The following PECR variants were observed in gnomAD, a reference collection of about 807,000 sequenced individuals.
The protein encoded by PECR is peroxisomal trans-2-enoyl-CoA reductase.
Under a neutral mutation model 35.3 loss-of-function variants are expected in PECR, and 30 were observed. The observed-to-expected ratio is 0.85, with a 90% CI of 0.64 to 1.15. The LOEUF is 1.15. PECR is among the 50% of genes most tolerant of loss of function. The pLI, the probability that PECR is intolerant of heterozygous loss-of-function variation, is 0.00. For synonymous variants in PECR, 148 were observed against 138.9 expected (o/e 1.07, Z -0.46); for missense variants, 392 against 370.8 (o/e 1.06, Z -0.47).
chr2:216,073,394 ATTACT>A (rs1047215772), intron 1 of PECR, among the ~76,000 whole-genome samples: 29 of 152,186 alleles, frequency 1.9e-4, no homozygotes, highest in African/African-American at 6.8e-4. Context: ...CATAGCTGCA[ATTACT>A]TTATTTTTTT....
At chr2:216,059,772 T>TA (rs1438843145) in intron 3 of PECR, among the ~76,000 whole-genome samples, 1 of 152,248 alleles carries the variant, frequency 6.6e-6, no homozygotes, top group Non-Finnish European at 1.5e-5. Flanking sequence ...TGTTGATCTA[T>TA]ATATCTAGCC....
At chr2:216,053,002 C>T (rs758279573) in intron 4 of PECR, among the ~76,000 whole-genome samples, 20 of 151,430 alleles carry the variant, frequency 1.3e-4, no homozygotes, top group Non-Finnish European at 2.4e-4. Flanking sequence ...TATAGGAGTG[C>T]GCCATCACGC....
At position 216,062,679 on chromosome 2, in the gene PECR, GA is replaced by G. The variant is rs201268983; in HGVS notation, c.424+2632del. On this transcript the variant is annotated intron_variant, in intron 3 of 7. Coordinates refer to ENST00000265322, the MANE Select transcript of PECR (RefSeq NM_018441.6). ...AGTAGAAAGGGCAGAGAAGCACAAA[GA>G]AAAAAATAAAAATAATATGTAATTT... Among the ~76,000 whole-genome samples the G allele has an allele frequency of 2.0e-5, 3 of 151,984 alleles. 1 individual carries two copies. In the East Asian group the frequency reaches 5.8e-4, roughly 29 times the overall value.
chr2:216,040,266 T>A (rs1257224114), intron 7 of PECR, among the ~76,000 whole-genome samples: 1 of 152,226 alleles, frequency 6.6e-6, no homozygotes, highest in African/African-American at 2.4e-5. Context: ...TTTATTTTTT[T>A]AATTTTTATT....
At chr2:216,068,732 G>A (rs914736803) in intron 1 of PECR, among the ~76,000 whole-genome samples, 4 of 151,282 alleles carry the variant, frequency 2.6e-5, no homozygotes, top group East Asian at 3.9e-4. Flanking sequence ...TGACCTTCCA[G>A]GATCCACTGA....
At chr2:216,058,275 G>T (rs1477473415) in intron 4 of PECR, among the ~76,000 whole-genome samples, 1 of 152,162 alleles carries the variant, frequency 6.6e-6, no homozygotes, top group African/African-American at 2.4e-5. Context: ...CACTGCCCTA[G>T]ATTTTTACTT....
chr2:216,066,459 G>T lies in PECR; in HGVS notation c.184C>A (p.Leu62Met), dbSNP rs780524477. Residue 62 changes from leucine (L) to methionine (M), a missense_variant, in exon 2 of 8, where the codon CTG (leucine) becomes ATG (methionine). Physicochemically the swap from Leu to Met is conservative, Grantham distance 15. Coordinates refer to ENST00000265322, the MANE Select transcript of PECR (RefSeq NM_018441.6). Reference protein sequence around the residue: ...LERLKSAADELQANLPPTKQA... With the variant: ...LERLKSAADEMQANLPPTKQA... ...TTTGTGGGAGGTAGGTTGGCCTGCA[G>T]TTCATCTGCCGCAGACTTCAATCTC... 6.2e-7 allele frequency: 1 copy of T among 1,613,618 alleles called. No homozygotes were observed. The highest frequency in any genetic ancestry group is 1.1e-5 in the South Asian group (1 of 91,080).
At chr2:216,053,059 G>A (rs530616158) in intron 4 of PECR, among the ~76,000 whole-genome samples, 19 of 152,086 alleles carry the variant, frequency 1.2e-4, no homozygotes, top group African/African-American at 4.6e-4. Flanking sequence ...TCAGCATGTT[G>A]GCCAGGCTGG....
intron 4 of PECR, among the ~76,000 whole-genome samples, chr2:216,054,371 CTTTTT>C (rs34214360): frequency 3.9e-5 from 4 of 102,760 alleles, no homozygotes; most frequent in African/African-American, 3.5e-5. Context: ...TTTTTTCTTT[CTTTTT>C]TTTTTTTTTT....
At chr2:216,049,407 G>T (rs1455358053) in intron 5 of PECR, 34 bp from the exon 6 acceptor site, 1 of 891,896 alleles carries the variant, frequency 1.1e-6, no homozygotes, top group Non-Finnish European at 1.9e-6. Flanking sequence ...ACAAAATAAA[G>T]TGTATTATAT....
intron 3 of PECR, among the ~76,000 whole-genome samples, chr2:216,062,157 T>C (rs547146632): frequency 1.3e-5 from 2 of 151,844 alleles, no homozygotes; most frequent in East Asian, 3.9e-4. Context: ...GCAATTCTCC[T>C]GCCTCAGCCT....
chr2:216,048,231 C>T (rs952083948), intron 6 of PECR, among the ~76,000 whole-genome samples: 1 of 151,894 alleles, frequency 6.6e-6, no homozygotes, highest in Non-Finnish European at 1.5e-5. Context: ...TCCGCCACCA[C>T]ACCCGGGTAA....
chr2:216,053,895 T>C (rs772330655), intron 4 of PECR, among the ~76,000 whole-genome samples: 1 of 152,176 alleles, frequency 6.6e-6, no homozygotes, highest in Non-Finnish European at 1.5e-5. Context: ...TAATCCACAC[T>C]TTTCAACTGG....
chr2:216,037,912 C>G (rs1189296648), downstream of PECR, among the ~76,000 whole-genome samples: 1 of 150,480 alleles, frequency 6.6e-6, no homozygotes, highest in African/African-American at 2.4e-5. Flanking sequence ...TGGTGAAACA[C>G]CATCTCTACT....
chr2:216,051,407 G>T, intron 5 of PECR, 42 bp downstream of exon 5: 2 of 1,145,576 alleles, frequency 1.7e-6, no homozygotes, highest in Non-Finnish European at 2.7e-6. Flanking sequence ...GAATCAGAAA[G>T]CATAATTTGT....
chr2:216,031,136 GT>G (rs145879671), intron 7 of PECR, among the ~76,000 whole-genome samples: 2,023 of 152,224 alleles, frequency 0.013, 21 homozygotes, highest in Middle Eastern at 0.031. Context: ...GCCAGACATG[GT>G]GGTTCACGCC....
chr2:216,054,864 G>A (rs1695193197), intron 4 of PECR, among the ~76,000 whole-genome samples: 1 of 151,942 alleles, frequency 6.6e-6, no homozygotes, highest in African/African-American at 2.4e-5. Flanking sequence ...TGTAATCCCA[G>A]CACTCTGGGA....
chr2:216,071,446 A>T (rs936729878), intron 1 of PECR, among the ~76,000 whole-genome samples: 5 of 148,118 alleles, frequency 3.4e-5, no homozygotes, highest in Non-Finnish European at 1.5e-5. Context: ...ACAGTATAGC[A>T]AAGAAAAAAA....
At chr2:216,081,131 C>T (rs976090566) in intron 1 of PECR, among the ~76,000 whole-genome samples, 1 of 152,190 alleles carries the variant, frequency 6.6e-6, no homozygotes, top group Non-Finnish European at 1.5e-5. Context: ...TTTATTCCCT[C>T]ACTTATGTGT....
Sources: allele counts gnomAD v4.1 joint callset (sites outside exome capture counted in the v4.1 genomes callset), GRCh38; gene constraint gnomAD v4.1.1; transcripts MANE v1.5; gene names NCBI Gene and HGNC (gene_info 2026-07-23, HGNC 2026-07-21).